The following HAUS1 variants were observed in gnomAD, a reference collection of about 807,000 sequenced individuals.
HAUS1 encodes the protein HAUS augmin-like complex subunit 1.
HAUS1 carries 25 observed loss-of-function variants against 38.6 expected under a neutral mutation model. The ratio of observed to expected loss-of-function variants is 0.65; its 90% CI spans 0.47 to 0.91. HAUS1 has a LOEUF of 0.91. Among genes scored for constraint, HAUS1 ranks in the 40% least tolerant of loss-of-function variants. The probability of loss-of-function intolerance (pLI) is 0.00; values close to 1 mark genes in which losing one functional copy is unlikely to be tolerated. For missense variants in HAUS1, 325 were observed against 328.4 expected (o/e 0.99, Z 0.08); for synonymous variants, 109 against 112.9 (o/e 0.97, Z 0.22).
intron 1 of HAUS1, 33 bp from the exon 2 acceptor site, chr18:46,105,161 G>T: frequency 7.3e-6 from 11 of 1,506,262 alleles, no homozygotes; most frequent in Non-Finnish European, 9.2e-6. Flanking sequence ...AGTAAACAAG[G>T]CTTATAATAT....
chr18:46,123,030 T>C (rs1375813129), intron 5 of HAUS1, among the ~76,000 whole-genome samples: 1 of 151,998 alleles, frequency 6.6e-6, no homozygotes, highest in East Asian at 1.9e-4. Context: ...ACTAACACAG[T>C]GAAACCCCGT....
At position 46,105,382 on chromosome 18, in the gene HAUS1, C is replaced by T. The variant is rs745306912; in HGVS notation, c.205+14C>T. 3 of 1,602,502 alleles carry T rather than the reference C, an allele frequency of 1.9e-6. No individual in the cohort carries two copies. In the Admixed American group the frequency reaches 5.1e-5, roughly 28 times the overall value. ...ACGAGTCAGAAGGTGAGATTAAGTC[C>T]AGAGTTTTGAACGAGAATAAATAGA... On this transcript the variant is annotated intron_variant, in intron 2 of 8. Coordinates refer to ENST00000282058, the MANE Select transcript of HAUS1 (RefSeq NM_138443.4).
At chr18:46,127,270 C>T (rs1403069908) in intron 8 of HAUS1, among the ~76,000 whole-genome samples, 2 of 151,930 alleles carry the variant, frequency 1.3e-5, no homozygotes, top group African/African-American at 2.4e-5. Context: ...CCGTGCCTGG[C>T]CAAAGCTATA....
chr18:46,104,962 A>G (rs1460544500), intron 1 of HAUS1, among the ~76,000 whole-genome samples: 1 of 152,164 alleles, frequency 6.6e-6, no homozygotes, highest in Admixed American at 6.6e-5. Context: ...GATTTGGAAA[A>G]GAACGGATTG....
chr18:46,121,332 G>A (rs988283364), intron 4 of HAUS1, among the ~76,000 whole-genome samples: 1 of 151,922 alleles, frequency 6.6e-6, no homozygotes, highest in Non-Finnish European at 1.5e-5. Context: ...TGGGATTACA[G>A]GCACCTGCCA....
chr18:46,118,451 T>A, intron 3 of HAUS1, 135 bp downstream of exon 3: 1 of 718,162 alleles, frequency 1.4e-6, no homozygotes, highest in Non-Finnish European at 2.3e-6. Context: ...TTCATGTCTT[T>A]GCCAGTGAGT....
chr18:46,120,914 T>C (rs1224560731), intron 4 of HAUS1, among the ~76,000 whole-genome samples: 2 of 152,122 alleles, frequency 1.3e-5, no homozygotes, highest in African/African-American at 4.8e-5. Context: ...ACAAATAATA[T>C]GGGTTTTAGA....
At chr18:46,111,885 C>CTTTTTTTTTTTTTTT (rs370593835) in intron 2 of HAUS1, among the ~76,000 whole-genome samples, 1 of 134,424 alleles carries the variant, frequency 7.4e-6, no homozygotes, top group African/African-American at 2.8e-5. Flanking sequence ...CTTTTCTTTT[C>CTTTTTTTTTTTTTTT]TTTTTTTTTT....
chr18:46,106,513 A>G (rs1356074174), intron 2 of HAUS1, among the ~76,000 whole-genome samples: 1 of 152,086 alleles, frequency 6.6e-6, no homozygotes, highest in Non-Finnish European at 1.5e-5. Context: ...CAAGATGCCT[A>G]TTGTTTTGAT....
chr18:46,125,638 C>A, intron 7 of HAUS1, 106 bp from the exon 8 acceptor site: 2 of 682,190 alleles, frequency 2.9e-6, no homozygotes, highest in Admixed American at 2.8e-5. Flanking sequence ...CATTGGGTAT[C>A]CCTCTGGGAG....
intron 3 of HAUS1, among the ~76,000 whole-genome samples, chr18:46,119,210 A>C (rs1435903341): frequency 6.6e-6 from 1 of 152,144 alleles, no homozygotes; most frequent in Non-Finnish European, 1.5e-5. Context: ...TCAGAGAACA[A>C]CACAGCAGAA....
intron 2 of HAUS1, among the ~76,000 whole-genome samples, chr18:46,106,552 A>G (rs1435929040): frequency 6.6e-6 from 1 of 152,216 alleles, no homozygotes; most frequent in African/African-American, 2.4e-5. Context: ...AAAGATTGAC[A>G]AAAATCTTTT....
chr18:46,108,356 C>A (rs987917289), intron 2 of HAUS1, among the ~76,000 whole-genome samples: 1 of 147,462 alleles, frequency 6.8e-6, no homozygotes, highest in South Asian at 2.1e-4. Flanking sequence ...CACCGTGTTG[C>A]TCAGGCTGGC....
chr18:46,119,780 G>T, intron 3 of HAUS1, 146 bp from the exon 4 acceptor site: 1 of 602,188 alleles, frequency 1.7e-6, no homozygotes. Flanking sequence ...TCCAGGCAAT[G>T]GGAACAGTGT....
intron 2 of HAUS1, 33 bp from the exon 3 acceptor site, chr18:46,118,148 A>G: frequency 6.2e-7 from 1 of 1,606,294 alleles, no homozygotes; most frequent in Non-Finnish European, 8.5e-7. Context: ...TAAAAAAGCA[A>G]ACAGTCACTA....
intron 6 of HAUS1, 87 bp downstream of exon 6, chr18:46,123,451 A>G (rs939378986): frequency 6.7e-6 from 6 of 901,414 alleles, no homozygotes; most frequent in South Asian, 1.4e-5. Context: ...TTCGGCTTTT[A>G]TTCACTGTGG....
chr18:46,122,435 G>T, intron 4 of HAUS1, 32 bp from the exon 5 acceptor site: 1 of 1,605,314 alleles, frequency 6.2e-7, no homozygotes, highest in Non-Finnish European at 8.5e-7. Context: ...AGAAGAAGAA[G>T]AAGAAAATGT....
chr18:46,122,632 G>T, intron 5 of HAUS1, 42 bp downstream of exon 5: 1 of 1,607,438 alleles, frequency 6.2e-7, no homozygotes, highest in South Asian at 1.1e-5. Context: ...TCTTCGGCCT[G>T]ATTTTTTACC....
chr18:46,107,829 G>C (rs1270001681), intron 2 of HAUS1, among the ~76,000 whole-genome samples: 1 of 152,122 alleles, frequency 6.6e-6, no homozygotes, highest in Non-Finnish European at 1.5e-5. Context: ...TGCAGGAATT[G>C]GGAAAGGACA....
Sources: gnomAD v4.1 joint callset for allele counts (sites outside exome capture counted in the v4.1 genomes callset) on GRCh38, gnomAD v4.1.1 for gene constraint, MANE v1.5 for transcripts, NCBI Gene and HGNC (gene_info 2026-07-23, HGNC 2026-07-21) for gene names.